PKHD1: variants seen among roughly 807,000 people sequenced by gnomAD.
PKHD1 encodes the protein fibrocystin.
A neutral mutation model predicts 412.0 loss-of-function variants in PKHD1; 291 were observed. The observed-to-expected ratio is 0.71, with a 90% confidence interval of 0.64 to 0.78. The LOEUF is 0.78. Ranked by LOEUF, PKHD1 falls within the 30% of genes least tolerant of loss-of-function variation. The probability of loss-of-function intolerance (pLI) is 0.00; values close to 1 mark genes in which losing one functional copy is unlikely to be tolerated. For missense variants in PKHD1, 4,825 were observed against 4,950.7 expected (o/e 0.97, Z 0.76); for synonymous variants, 1,777 against 1,821.5 (o/e 0.98, Z 0.62).
intron 56 of PKHD1, among the ~76,000 whole-genome samples, chr6:51,753,827 A>C (rs1786514494): frequency 6.6e-6 from 1 of 152,230 alleles, no homozygotes; most frequent in African/African-American, 2.4e-5. Context: ...ACCAGGCAGC[A>C]GCAGCGCCCT....
At chr6:51,988,102 A>T (rs1219509977) in intron 35 of PKHD1, among the ~76,000 whole-genome samples, 1 of 152,238 alleles carries the variant, frequency 6.6e-6, no homozygotes, top group African/African-American at 2.4e-5. Flanking sequence ...AGGAAAAGAT[A>T]GATTTCTTAA....
intron 66 of PKHD1, among the ~76,000 whole-genome samples, chr6:51,626,622 T>C (rs1000331854): frequency 6.6e-6 from 1 of 152,208 alleles, no homozygotes; most frequent in East Asian, 1.9e-4. Context: ...GCATAGTTGG[T>C]ATTTGGCAAC....
intron 39 of PKHD1, among the ~76,000 whole-genome samples, chr6:51,910,720 A>AT (rs1258384843): frequency 6.6e-6 from 1 of 152,132 alleles, no homozygotes; most frequent in Admixed American, 6.6e-5. Context: ...TAGAATGTAG[A>AT]TCCCAATTCT....
Position 51,632,584 on chromosome 6 carries a change from A to G in PKHD1, c.11646T>C (p.Leu3882=), listed in dbSNP as rs1743013734. The change falls in exon 65 of 67, where the codon CTT becomes CTC. Residue 3882 remains leucine (L), a synonymous_variant. Coordinates refer to ENST00000371117, the MANE Select transcript of PKHD1 (RefSeq NM_138694.4). ...ACATACTTCTGCTTTTGCTTCTTTT[A>G]AGCCAACAGCACACCAGACAGCTCA... ...LALSCLVCCW[L]KRSKSRKTKP... is the part of the protein sequence containing the mutation. The G allele has an allele frequency of 1.2e-6, 2 of 1,612,902 alleles. No individual in the cohort carries two copies. The highest frequency in any genetic ancestry group is 1.3e-5 in the African/African-American group (1 of 74,774).
At chr6:51,736,829 A>T (rs1783914303) in intron 60 of PKHD1, among the ~76,000 whole-genome samples, 1 of 152,138 alleles carries the variant, frequency 6.6e-6, no homozygotes, top group Non-Finnish European at 1.5e-5. Context: ...TAAATGGGAA[A>T]AAAGAGAAGC....
At chr6:51,696,866 C>G (rs1309048096) in intron 60 of PKHD1, among the ~76,000 whole-genome samples, 2 of 152,050 alleles carry the variant, frequency 1.3e-5, no homozygotes, top group Non-Finnish European at 2.9e-5. Context: ...GAGAGGAAAA[C>G]AGTATTTAGT....
At chr6:51,739,166 C>T (rs1235072548) in intron 60 of PKHD1, among the ~76,000 whole-genome samples, 3 of 147,796 alleles carry the variant, frequency 2.0e-5, no homozygotes, top group African/African-American at 7.4e-5. Flanking sequence ...AAAATATACT[C>T]ATGTTATATA....
intron 60 of PKHD1, among the ~76,000 whole-genome samples, chr6:51,729,276 T>C (rs774127641): frequency 2.6e-5 from 4 of 152,246 alleles, no homozygotes; most frequent in Admixed American, 6.5e-5. Flanking sequence ...AGTAGAAAGA[T>C]TGGCTTCTAG....
At chr6:52,005,891 C>A (rs984823250) in intron 35 of PKHD1, among the ~76,000 whole-genome samples, 2 of 150,242 alleles carry the variant, frequency 1.3e-5, no homozygotes, top group Admixed American at 6.7e-5. Context: ...CCTTGAAAAG[C>A]AACATATTAA....
chr6:51,757,975 T>C (rs923646348), intron 55 of PKHD1, among the ~76,000 whole-genome samples: 2 of 147,158 alleles, frequency 1.4e-5, no homozygotes, highest in Non-Finnish European at 3.0e-5. Flanking sequence ...CATGCCACTG[T>C]ACTCCAGCAG....
At chr6:51,825,462 C>T (rs1004747031) in intron 52 of PKHD1, among the ~76,000 whole-genome samples, 25 of 152,054 alleles carry the variant, frequency 1.6e-4, no homozygotes, top group African/African-American at 5.8e-4. Context: ...CAAGCAGCCC[C>T]ATAATAAACC....
rs114911579 is a variant in PKHD1, at chr6:51,864,617, G to A, written c.7733+3246C>T. Among the ~76,000 whole-genome samples, 325 of 152,084 alleles carry A rather than the reference G, an allele frequency of 2.1e-3. 1 individual carries two copies. Among genetic ancestry groups the A allele is most frequent in the African/African-American group, 7.4e-3 (308 of 41,488 alleles). On this transcript the variant is annotated intron_variant, in intron 48 of 66. Coordinates refer to ENST00000371117, the MANE Select transcript of PKHD1 (RefSeq NM_138694.4). ...ATTCTGAGCACCCAGAGAGAAACAG[G>A]TCTACAGAAAAAAATCATAAATCCC...
At chr6:51,741,196 A>G (rs1374848495) in intron 60 of PKHD1, 2 of 518,822 alleles carry the variant, frequency 3.9e-6, no homozygotes, top group Admixed American at 3.9e-5. Flanking sequence ...GCAACCACCT[A>G]AAATGAACAC....
chr6:52,067,970 CA>C (rs755974184), intron 11 of PKHD1, among the ~76,000 whole-genome samples: 3 of 151,996 alleles, frequency 2.0e-5, no homozygotes, highest in Non-Finnish European at 2.9e-5. Flanking sequence ...GCATGTAACA[CA>C]AGAGGTGATG....
chr6:52,074,977 A>T (rs1184740441), intron 6 of PKHD1, among the ~76,000 whole-genome samples: 4 of 152,164 alleles, frequency 2.6e-5, no homozygotes, highest in African/African-American at 9.7e-5. Context: ...GCCAGCTGAC[A>T]TTCCATTTCA....
chr6:51,896,412 C>G (rs1014192973), intron 43 of PKHD1, among the ~76,000 whole-genome samples: 1 of 152,162 alleles, frequency 6.6e-6, no homozygotes, highest in African/African-American at 2.4e-5. Flanking sequence ...ACACTGACAC[C>G]TCACACGGCA....
chr6:51,711,872 T>A (rs536768884), intron 60 of PKHD1, among the ~76,000 whole-genome samples: 108 of 152,304 alleles, frequency 7.1e-4, no homozygotes, highest in Admixed American at 4.6e-4. Context: ...ATATGAGGCA[T>A]CTCCTACCCC....
At chr6:51,813,394 G>C (rs572723272) in intron 52 of PKHD1, among the ~76,000 whole-genome samples, 1 of 152,208 alleles carries the variant, frequency 6.6e-6, no homozygotes, top group South Asian at 2.1e-4. Context: ...TACTACCACT[G>C]TTATCACCAT....
At chr6:51,870,689 C>A in intron 46 of PKHD1, 50 bp from the exon 47 acceptor site, 2 of 1,425,520 alleles carry the variant, frequency 1.4e-6, no homozygotes, top group Non-Finnish European at 2.0e-6. Flanking sequence ...AAACTGGACA[C>A]ATGAAATACA....
Sources: gnomAD v4.1 joint callset for allele counts (sites outside exome capture counted in the v4.1 genomes callset) on GRCh38, gnomAD v4.1.1 for gene constraint, MANE v1.5 for transcripts, NCBI Gene and HGNC (gene_info 2026-07-23, HGNC 2026-07-21) for gene names.